The following NR6A1 variants were observed in gnomAD, a reference collection of about 807,000 sequenced individuals.
The protein encoded by NR6A1 is retinoic acid receptor-related testis-associated receptor.
NR6A1 carries 7 observed loss-of-function variants against 59.1 expected under a neutral mutation model. That is an observed-to-expected ratio of 0.12 (90% CI 0.07 to 0.22). The LOEUF is 0.22. NR6A1 is among the 10% of genes least tolerant of loss of function. The pLI, the probability that NR6A1 is intolerant of heterozygous loss-of-function variation, is 1.00. For missense variants in NR6A1, 468 were observed against 611.6 expected, an observed-to-expected ratio of 0.77 and a Z score of 2.48; for synonymous variants, 243 against 236.1, an observed-to-expected ratio of 1.03 and a Z score of -0.27.
intron 2 of NR6A1, among the ~76,000 whole-genome samples, chr9:124,597,599 A>G (rs1430094004): frequency 6.6e-6 from 1 of 152,194 alleles, no homozygotes; most frequent in Non-Finnish European, 1.5e-5. Flanking sequence ...ACTGAAGCAG[A>G]CGCCTTGATT....
chr9:124,768,931 T>C (rs1394307461), intron 1 of NR6A1, among the ~76,000 whole-genome samples: 1 of 152,088 alleles, frequency 6.6e-6, no homozygotes, highest in Non-Finnish European at 1.5e-5. Flanking sequence ...ATCACAGAAA[T>C]ATACACGCTA....
rs1029575447 is a variant in NR6A1 at position 124,519,877 on chromosome 9, G to A, written c.*2828C>T. 1 of 123,364 alleles carries A rather than the reference G, an allele frequency of 8.1e-6. No individual in the cohort carries two copies. Among genetic ancestry groups the A allele is most frequent in the Admixed American group, 1.0e-4 (1 of 9,986 alleles). 7.6% of individuals were successfully genotyped at this position (123,364 alleles called of 1,614,324 possible). A position where few individuals can be genotyped will look rare whatever the true frequency, so the allele number is the denominator to read the frequency against. ...AGATCGCACCACTGCACTCCAGCCT[G>A]AGCGACAGAGCGAGACTCCGCCTCA... On this transcript the variant is annotated 3_prime_UTR_variant, in exon 10 of 10. Coordinates refer to ENST00000487099, the MANE Select transcript of NR6A1 (RefSeq NM_033334.4).
chr9:124,585,540 T>A (rs1227715561), intron 2 of NR6A1, among the ~76,000 whole-genome samples: 1 of 77,782 alleles, frequency 1.3e-5, no homozygotes, highest in Non-Finnish European at 2.1e-5. Context: ...CGAGACTCCA[T>A]CTCAAAAAAA....
At position 124,771,047 on chromosome 9, in the gene NR6A1, C is replaced by G. The variant is rs1208715398; in HGVS notation, c.73G>C (p.Ala25Pro). ...TTGCGCGGCGGCGGAGGGAGCGCGG[C>G]GGGAGGCTCCAGGAACCCCGCCGAG... ...GGSAGFLEPP[A>P]ALPPPPRNGF... The change falls in exon 1 of 10, where the codon GCC becomes CCC. Residue 25 changes from alanine (A) to proline (P), a missense_variant. Ala to Pro is a conservative substitution (Grantham distance 27). Transcript: ENST00000487099. The G allele has an allele frequency of 8.1e-7, 1 of 1,230,568 alleles. No individual in the cohort carries two copies. The highest frequency in any genetic ancestry group is 1.0e-6 in the Non-Finnish European group (1 of 987,176). The allele number at this position is 1,230,568 out of a possible 1,614,324, so 76.2% of individuals were successfully genotyped here.
intron 2 of NR6A1, among the ~76,000 whole-genome samples, chr9:124,691,293 C>T (rs575367288): frequency 6.6e-6 from 1 of 152,258 alleles, no homozygotes; most frequent in South Asian, 2.1e-4. Context: ...TACATTCAAA[C>T]CTAAATCTCA....
At chr9:124,562,901 A>G (rs1834121495) in intron 2 of NR6A1, among the ~76,000 whole-genome samples, 1 of 152,226 alleles carries the variant, frequency 6.6e-6, no homozygotes, top group African/African-American at 2.4e-5. Flanking sequence ...GCCCATCTCC[A>G]CATCATTTAG....
intron 1 of NR6A1, among the ~76,000 whole-genome samples, chr9:124,769,136 C>T (rs1469705417): frequency 6.6e-6 from 1 of 152,134 alleles, no homozygotes; most frequent in Non-Finnish European, 1.5e-5. Context: ...ATTCCAGCTT[C>T]CCCCTTTGTG....
chr9:124,745,257 GA>G (rs34826262), intron 1 of NR6A1, among the ~76,000 whole-genome samples: 13 of 148,922 alleles, frequency 8.7e-5, no homozygotes, highest in South Asian at 8.5e-4. Flanking sequence ...ATATATACAT[GA>G]AAAAAAAAAC....
intron 2 of NR6A1, among the ~76,000 whole-genome samples, chr9:124,567,560 T>C (rs1834299918): frequency 1.3e-5 from 2 of 150,306 alleles, no homozygotes; most frequent in African/African-American, 4.9e-5. Context: ...AGCCCGGGAG[T>C]CGGAGACCAG....
At chr9:124,580,823 AAAT>A (rs146466856) in intron 2 of NR6A1, among the ~76,000 whole-genome samples, 7 of 151,646 alleles carry the variant, frequency 4.6e-5, no homozygotes, top group South Asian at 2.1e-4. Flanking sequence ...CCAACTCAAA[AAAT>A]AATAATAATA....
chr9:124,616,122 G>T lies in NR6A1; in HGVS notation c.143-61552C>A, dbSNP rs1835882315. ...AGATAGAAAAGAACTAATTGGACAGGCGCAGTGGCTCACATCTGTAATCCC... is the reference window on the plus strand; with the variant it reads ...AGATAGAAAAGAACTAATTGGACAGTCGCAGTGGCTCACATCTGTAATCCC... On this transcript the variant is annotated intron_variant, in intron 2 of 9. Transcript: ENST00000487099. 9.2e-5 allele frequency among the ~76,000 whole-genome samples: 14 copies of T among 152,128 alleles called. No homozygotes were observed. In the South Asian group the frequency reaches 2.9e-3, roughly 32 times the overall value.
chr9:124,686,704 C>CTTTT (rs751899156), intron 2 of NR6A1, among the ~76,000 whole-genome samples: 1 of 135,862 alleles, frequency 7.4e-6, no homozygotes, highest in Non-Finnish European at 1.6e-5. Flanking sequence ...CTTTAAAAGT[C>CTTTT]TTTTTTTTTT....
At chr9:124,541,762 C>G (rs911711695) in intron 4 of NR6A1, among the ~76,000 whole-genome samples, 1 of 152,092 alleles carries the variant, frequency 6.6e-6, no homozygotes, top group South Asian at 2.1e-4. Flanking sequence ...TCAAAATAGT[C>G]AAGAAGTGAA....
intron 7 of NR6A1, among the ~76,000 whole-genome samples, chr9:124,532,426 C>T (rs567393445): frequency 1.1e-4 from 16 of 152,314 alleles, no homozygotes; most frequent in Middle Eastern, 3.4e-3. Flanking sequence ...GATGCCCCGC[C>T]ATCTCCACCA....
chr9:124,550,096 T>C (rs1833725431), intron 3 of NR6A1, among the ~76,000 whole-genome samples: 1 of 152,202 alleles, frequency 6.6e-6, no homozygotes, highest in African/African-American at 2.4e-5. Context: ...TGAGTGAACT[T>C]ACCTCTCTGT....
chr9:124,762,371 G>A (rs1840805573), intron 1 of NR6A1, among the ~76,000 whole-genome samples: 1 of 152,020 alleles, frequency 6.6e-6, no homozygotes, highest in Non-Finnish European at 1.5e-5. Context: ...TAGAAGAGTG[G>A]CATTGTTTTA....
intron 3 of NR6A1, among the ~76,000 whole-genome samples, chr9:124,552,908 A>G (rs1184934009): frequency 6.6e-6 from 1 of 152,178 alleles, no homozygotes; most frequent in Admixed American, 6.5e-5. Flanking sequence ...CATACACAAT[A>G]AAACCAGTCT....
chr9:124,595,549 G>A (rs1161338525), intron 2 of NR6A1, among the ~76,000 whole-genome samples: 2 of 151,916 alleles, frequency 1.3e-5, no homozygotes, highest in African/African-American at 4.8e-5. Flanking sequence ...TGAATTCACT[G>A]CAGTTCTCTC....
At chr9:124,555,607 A>G (rs563400457) in intron 2 of NR6A1, among the ~76,000 whole-genome samples, 54 of 152,292 alleles carry the variant, frequency 3.5e-4, no homozygotes, top group African/African-American at 1.3e-3. Context: ...CGGCAAGACC[A>G]TATCTCTTAA....
Sources: allele counts gnomAD v4.1 joint callset (sites outside exome capture counted in the v4.1 genomes callset), GRCh38; gene constraint gnomAD v4.1.1; transcripts MANE v1.5; gene names NCBI Gene and HGNC (gene_info 2026-07-23, HGNC 2026-07-21).